Variants in CSMD1 observed in about 807,000 individuals in gnomAD.
CSMD1 encodes CUB and sushi domain-containing protein 1.
Under a neutral mutation model 417.5 loss-of-function variants are expected in CSMD1, and 213 were observed. The ratio of observed to expected loss-of-function variants is 0.51; its 90% CI spans 0.46 to 0.57. The LOEUF (loss-of-function observed/expected upper bound fraction) is 0.57, where lower values mean the gene tolerates loss of function less well. Ranked by LOEUF, CSMD1 falls within the 20% of genes least tolerant of loss-of-function variation. CSMD1 has a pLI of 0.00. For synonymous variants in CSMD1, 2,862 were observed against 1,736.8 expected (o/e 1.65, Z -16.11); for missense variants, 6,923 against 4,529.7 (o/e 1.53, Z -15.17).
At chr8:3,679,448 G>A (rs753650483) in intron 7 of CSMD1, among the ~76,000 whole-genome samples, 79 of 152,064 alleles carry the variant, frequency 5.2e-4, no homozygotes, top group Non-Finnish European at 9.0e-4. Flanking sequence ...AAGCCATTAC[G>A]TAATGGTAAA....
chr8:4,245,003 A>T (rs1367673730), intron 3 of CSMD1, among the ~76,000 whole-genome samples: 1 of 152,232 alleles, frequency 6.6e-6, no homozygotes, highest in African/African-American at 2.4e-5. Flanking sequence ...ACAAACATCA[A>T]AAAGAATCAC....
At chr8:3,498,979 G>C (rs908422837) in intron 10 of CSMD1, among the ~76,000 whole-genome samples, 47 of 152,090 alleles carry the variant, frequency 3.1e-4, no homozygotes, top group African/African-American at 1.1e-3. Flanking sequence ...AAATCATATA[G>C]GCATTTTGTA....
chr8:4,224,503 T>C (rs1304604571), intron 3 of CSMD1, among the ~76,000 whole-genome samples: 1 of 152,166 alleles, frequency 6.6e-6, no homozygotes, highest in African/African-American at 2.4e-5. Flanking sequence ...GTTCAGTGTC[T>C]ACTAAATGCC....
chr8:4,784,040 A>C (rs1797284390), intron 1 of CSMD1, among the ~76,000 whole-genome samples: 1 of 152,202 alleles, frequency 6.6e-6, no homozygotes, highest in African/African-American at 2.4e-5. Flanking sequence ...TGTATTTGAT[A>C]ATTTGTAAAC....
chr8:3,690,652 G>A (rs910807303), intron 7 of CSMD1, among the ~76,000 whole-genome samples: 2 of 152,138 alleles, frequency 1.3e-5, no homozygotes, highest in African/African-American at 4.8e-5. Flanking sequence ...TCACTAATTT[G>A]TCCTTAGGGG....
intron 1 of CSMD1, among the ~76,000 whole-genome samples, chr8:4,784,714 T>C (rs767587585): frequency 6.6e-6 from 1 of 152,180 alleles, no homozygotes; most frequent in South Asian, 2.1e-4. Flanking sequence ...AGATAATGTA[T>C]TGGAATGTTA....
At chr8:4,968,993 A>G (rs906479437) in intron 1 of CSMD1, among the ~76,000 whole-genome samples, 1 of 152,174 alleles carries the variant, frequency 6.6e-6, no homozygotes. Context: ...ATAGGTTTTT[A>G]TGAAACCAAG....
intron 30 of CSMD1, among the ~76,000 whole-genome samples, chr8:3,212,208 A>C (rs1306140944): frequency 6.6e-6 from 1 of 152,136 alleles, no homozygotes; most frequent in Non-Finnish European, 1.5e-5. Flanking sequence ...GTTTTTAATA[A>C]ACTTAAAAAA....
Position 3,041,290 on chromosome 8 carries a change from T to C in CSMD1, c.7660+11172A>G, listed in dbSNP as rs143774776. Among the ~76,000 whole-genome samples, 912 of 152,274 alleles carry C rather than the reference T, an allele frequency of 6.0e-3. 8 individuals carry two copies. The highest frequency in any genetic ancestry group is 0.019 in the African/African-American group (778 of 41,560). ...CAAAAATATATCCCGTAAAATGCAT[T>C]TTTTCTTGTTTTCTTTACAGCATTA... On this transcript the variant is annotated intron_variant, in intron 50 of 69. Coordinates refer to ENST00000635120, the MANE Select transcript of CSMD1 (RefSeq NM_033225.6).
intron 5 of CSMD1, among the ~76,000 whole-genome samples, chr8:3,977,503 G>A (rs114556741): frequency 0.015 from 2,270 of 152,264 alleles, 56 homozygotes; most frequent in African/African-American, 0.051. Flanking sequence ...AAACTCACAG[G>A]TAATTTGCTT....
intron 3 of CSMD1, among the ~76,000 whole-genome samples, chr8:4,072,458 T>C (rs1437395248): frequency 2.0e-5 from 3 of 152,200 alleles, no homozygotes; most frequent in Non-Finnish European, 4.4e-5. Flanking sequence ...AGATAGACTT[T>C]ATTATTTCGC....
chr8:3,853,023 A>G (rs1180703671), intron 5 of CSMD1, among the ~76,000 whole-genome samples: 1 of 152,024 alleles, frequency 6.6e-6, no homozygotes, highest in Non-Finnish European at 1.5e-5. Context: ...CCAACATCCA[A>G]CTACATCTCC....
chr8:3,038,393 T>C (rs1012504799), intron 50 of CSMD1, among the ~76,000 whole-genome samples: 1 of 152,214 alleles, frequency 6.6e-6, no homozygotes, highest in Non-Finnish European at 1.5e-5. Context: ...GATCCAAGCA[T>C]AGATTTAAAG....
chr8:3,509,088 G>A (rs985394866), intron 10 of CSMD1, among the ~76,000 whole-genome samples: 5 of 152,102 alleles, frequency 3.3e-5, no homozygotes, highest in African/African-American at 4.8e-5. Context: ...TTTACCTGGG[G>A]ACAAAATTAA....
chr8:3,327,667 A>G (rs1806623633), intron 23 of CSMD1, among the ~76,000 whole-genome samples: 1 of 152,192 alleles, frequency 6.6e-6, no homozygotes, highest in Non-Finnish European at 1.5e-5. Context: ...TTTTGGGGGA[A>G]TAGAACCGAA....
chr8:3,033,853 G>A (rs1474464410), intron 50 of CSMD1, among the ~76,000 whole-genome samples: 1 of 152,190 alleles, frequency 6.6e-6, no homozygotes, highest in Admixed American at 6.5e-5. Context: ...CCTACACAGT[G>A]AACTGCAACC....
intron 2 of CSMD1, among the ~76,000 whole-genome samples, chr8:4,543,656 G>A (rs1321362827): frequency 9.2e-6 from 1 of 108,244 alleles, no homozygotes; most frequent in East Asian, 3.1e-4. Context: ...ATATGGGAAG[G>A]ACACGTTTAA....
At chr8:3,150,482 A>C (rs891382728) in intron 40 of CSMD1, among the ~76,000 whole-genome samples, 1 of 152,092 alleles carries the variant, frequency 6.6e-6, no homozygotes, top group Non-Finnish European at 1.5e-5. Flanking sequence ...GCTCACTCCT[A>C]CTGCTACTGC....
At chr8:4,894,559 G>GAA (rs56868930) in intron 1 of CSMD1, among the ~76,000 whole-genome samples, 691 of 31,560 alleles carry the variant, frequency 0.022, 13 homozygotes, top group African/African-American at 0.047. Flanking sequence ...TCTCAAAAAA[G>GAA]AAAAAAAAAA....
Sources: gnomAD v4.1 joint callset for allele counts (sites outside exome capture counted in the v4.1 genomes callset) on GRCh38, gnomAD v4.1.1 for gene constraint, MANE v1.5 for transcripts, NCBI Gene and HGNC (gene_info 2026-07-23, HGNC 2026-07-21) for gene names.